The following CDC14A variants were observed in gnomAD, a reference collection of about 807,000 sequenced individuals.
CDC14A encodes cell division cycle 14A.
In CDC14A, 53 loss-of-function variants were observed where a neutral mutation model predicts 74.4. The ratio of observed to expected loss-of-function variants is 0.71; its 90% confidence interval spans 0.57 to 0.89. The LOEUF is 0.89. Among genes scored for constraint, CDC14A ranks in the 40% least tolerant of loss-of-function variants. CDC14A has a pLI of 0.00. For synonymous variants in CDC14A, 247 were observed against 258.4 expected, an observed-to-expected ratio of 0.96 and a Z score of 0.43; for missense variants, 646 against 713.7, an observed-to-expected ratio of 0.91 and a Z score of 1.08.
At chr1:100,495,053 T>C in intron 12 of CDC14A, 123 bp downstream of exon 12, 1 of 588,610 alleles carries the variant, frequency 1.7e-6, no homozygotes, top group South Asian at 2.4e-5. Flanking sequence ...AAGTTTACTA[T>C]TTTGTGTTGT....
At chr1:100,465,517 A>T (rs3754131) in intron 9 of CDC14A, among the ~76,000 whole-genome samples, 1 of 152,034 alleles carries the variant, frequency 6.6e-6, no homozygotes, top group Admixed American at 6.5e-5. Context: ...AAGTCAGCTT[A>T]GTTTTCTGGG....
At chr1:100,425,177 AATAC>A (rs1179672465) in intron 5 of CDC14A, among the ~76,000 whole-genome samples, 1 of 152,080 alleles carries the variant, frequency 6.6e-6, no homozygotes, top group Admixed American at 6.6e-5. Context: ...CAAATAAATA[AATAC>A]ATACATACAT....
At chr1:100,449,251 T>C (rs933380211) in intron 7 of CDC14A, among the ~76,000 whole-genome samples, 3 of 152,224 alleles carry the variant, frequency 2.0e-5, no homozygotes, top group East Asian at 1.9e-4. Context: ...GGATTGAGTC[T>C]TTCTTGGATC....
chr1:100,413,500 C>T (rs1661136525), intron 4 of CDC14A, among the ~76,000 whole-genome samples: 1 of 152,194 alleles, frequency 6.6e-6, no homozygotes. Flanking sequence ...ATTCTATGTA[C>T]AGTTCCTTAA....
rs149937820 is a variant in CDC14A, at chr1:100,401,900, T to C, written c.309+11076T>C. On this transcript the variant is annotated intron_variant, in intron 4 of 15. Transcript: ENST00000336454. Reference sequence around the variant, plus strand: ...CTAAAAACACAAAATTAGCCAGGCATGGTGGCACATGCCTGTAATCTCAGC... The same window carrying C: ...CTAAAAACACAAAATTAGCCAGGCACGGTGGCACATGCCTGTAATCTCAGC... 2.3e-4 allele frequency among the ~76,000 whole-genome samples: 35 copies of C among 152,088 alleles called. No individual in the cohort carries two copies. The East Asian group carries it at 6.6e-3, about 29-fold the overall frequency.
chr1:100,417,860 C>T (rs1369536413), intron 4 of CDC14A, among the ~76,000 whole-genome samples: 2 of 152,166 alleles, frequency 1.3e-5, no homozygotes, highest in Non-Finnish European at 2.9e-5. Flanking sequence ...GTTCATTAAA[C>T]ATAGGTTTTT....
chr1:100,493,367 G>A (rs1647274207), intron 11 of CDC14A, among the ~76,000 whole-genome samples: 3 of 152,164 alleles, frequency 2.0e-5, no homozygotes, highest in Non-Finnish European at 4.4e-5. Context: ...TAACATCCCA[G>A]CACGTTGAGT....
At chr1:100,381,641 G>A (rs1004936747) in intron 3 of CDC14A, among the ~76,000 whole-genome samples, 5 of 151,928 alleles carry the variant, frequency 3.3e-5, no homozygotes, top group Non-Finnish European at 7.4e-5. Flanking sequence ...GTGATTTATC[G>A]CTATTTTTGT....
intron 4 of CDC14A, among the ~76,000 whole-genome samples, chr1:100,400,604 T>C (rs1659124983): frequency 6.6e-6 from 1 of 152,214 alleles, no homozygotes; most frequent in East Asian, 1.9e-4. Context: ...TTTGTGATGT[T>C]GCCTGTAAAT....
intron 4 of CDC14A, among the ~76,000 whole-genome samples, chr1:100,399,623 A>G (rs1422130644): frequency 6.6e-6 from 1 of 152,168 alleles, no homozygotes; most frequent in Non-Finnish European, 1.5e-5. Flanking sequence ...TTATAGATTT[A>G]TTAACTGTTT....
intron 11 of CDC14A, among the ~76,000 whole-genome samples, chr1:100,493,942 C>T (rs530270697): frequency 9.2e-5 from 14 of 152,214 alleles, no homozygotes; most frequent in Admixed American, 2.0e-4. Flanking sequence ...GGGACTATTA[C>T]GGCTGGGAGG....
intron 5 of CDC14A, among the ~76,000 whole-genome samples, chr1:100,430,616 G>A (rs1663540312): frequency 1.3e-5 from 2 of 152,186 alleles, no homozygotes; most frequent in African/African-American, 4.8e-5. Context: ...CTTGGCATCA[G>A]GCTGCCTTCT....
At chr1:100,450,152 T>C (rs1004898517) in intron 7 of CDC14A, among the ~76,000 whole-genome samples, 4 of 152,212 alleles carry the variant, frequency 2.6e-5, no homozygotes, top group Admixed American at 2.0e-4. Context: ...CATCCTTCAC[T>C]GCATAAGTAA....
intron 5 of CDC14A, among the ~76,000 whole-genome samples, chr1:100,432,068 T>C (rs1234735062): frequency 1.3e-5 from 2 of 152,180 alleles, no homozygotes; most frequent in Non-Finnish European, 2.9e-5. Flanking sequence ...TATAGCCTTA[T>C]GTTAAATCTG....
chr1:100,370,140 C>T (rs1654256987), intron 2 of CDC14A, among the ~76,000 whole-genome samples: 1 of 152,094 alleles, frequency 6.6e-6, no homozygotes, highest in Admixed American at 6.5e-5. Context: ...TGCACTACCA[C>T]ACCCAGCTAA....
intron 8 of CDC14A, among the ~76,000 whole-genome samples, chr1:100,456,858 G>A (rs1323851083): frequency 6.6e-6 from 1 of 152,120 alleles, no homozygotes; most frequent in Non-Finnish European, 1.5e-5. Context: ...TCACAAACAG[G>A]ATACCTCTAT....
chr1:100,483,652 A>G (rs569957793), intron 10 of CDC14A, among the ~76,000 whole-genome samples: 1 of 152,198 alleles, frequency 6.6e-6, no homozygotes, highest in Non-Finnish European at 1.5e-5. Flanking sequence ...ATTTTAAATT[A>G]TCTTCATATA....
At position 100,369,416 on chromosome 1, in the gene CDC14A, ATAG is replaced by A. The variant is rs1207034945; in HGVS notation, c.141-8126_141-8124del. Among the ~76,000 whole-genome samples, 3 of 152,080 alleles carry A rather than the reference ATAG, an allele frequency of 2.0e-5. No individual in the cohort carries two copies. The East Asian group carries it at 5.8e-4, about 29-fold the overall frequency. On this transcript the variant is annotated intron_variant, in intron 2 of 15. Transcript: ENST00000336454. ...GCCACTGCCTAGCCTTGACTTTTTA[ATAG>A]TAGCCATTCTGACTGGTGTGAGATG... is the stretch of plus-strand genomic sequence containing the variant.
chr1:100,352,803 C>T lies in CDC14A; in HGVS notation c.-152C>T, dbSNP rs966087524. On this transcript the variant is annotated 5_prime_UTR_variant, in exon 1 of 16. Transcript: ENST00000336454. ...GCGCCCGGCGCGCTGACCCCGAAGCCGCCTCCGCCTTCGGCGCCTGCTGCC... is the reference window on the plus strand; with the variant it reads ...GCGCCCGGCGCGCTGACCCCGAAGCTGCCTCCGCCTTCGGCGCCTGCTGCC... The T allele has an allele frequency of 6.9e-7, 1 of 1,446,576 alleles. No homozygotes were observed. The highest frequency in any genetic ancestry group is 1.5e-5 in the African/African-American group (1 of 68,782). The allele number at this position is 1,446,576 out of a possible 1,614,324, so 89.6% of individuals were successfully genotyped here. A position where few individuals can be genotyped will look rare whatever the true frequency, so the allele number is the denominator to read the frequency against.
Sources: allele counts gnomAD v4.1 joint callset (sites outside exome capture counted in the v4.1 genomes callset), GRCh38; gene constraint gnomAD v4.1.1; transcripts MANE v1.5; gene names NCBI Gene and HGNC (gene_info 2026-07-23, HGNC 2026-07-21).